The following OLFM3 variants were observed in gnomAD, a reference collection of about 807,000 sequenced individuals.
OLFM3 encodes noelin-3.
In OLFM3, 20 loss-of-function variants were observed where a neutral mutation model predicts 48.6. The observed-to-expected ratio is 0.41, with a 90% confidence interval of 0.29 to 0.60. The LOEUF is 0.60. OLFM3 is among the 20% of genes least tolerant of loss of function. OLFM3 has a pLI of 0.28. For missense variants in OLFM3, 437 were observed against 544.3 expected (o/e 0.80, Z 1.96); for synonymous variants, 222 against 198.1 (o/e 1.12, Z -1.01).
chr1:101,837,871 G>A (rs746433271), intron 1 of OLFM3: 3 of 152,036 alleles, frequency 2.0e-5, no homozygotes, highest in Admixed American at 6.6e-5. Context: ...TATAAACCAT[G>A]AATTTATTCA....
intron 1 of OLFM3, among the ~76,000 whole-genome samples, chr1:101,950,720 A>G (rs999220731): frequency 6.6e-6 from 1 of 152,098 alleles, no homozygotes; most frequent in African/African-American, 2.4e-5. Flanking sequence ...CTGGGATTAC[A>G]GGCGTGAGCC....
At chr1:101,842,424 A>C (rs1655770466) in intron 1 of OLFM3, among the ~76,000 whole-genome samples, 1 of 151,964 alleles carries the variant, frequency 6.6e-6, no homozygotes, top group African/African-American at 2.4e-5. Flanking sequence ...CCAGCTACTC[A>C]GTGGGGTGAG....
chr1:101,828,848 A>G (rs984064909), intron 3 of OLFM3, among the ~76,000 whole-genome samples: 1 of 151,902 alleles, frequency 6.6e-6, no homozygotes, highest in African/African-American at 2.4e-5. Context: ...TGACCTCAGC[A>G]TTGGGTTCCC....
intron 4 of OLFM3, among the ~76,000 whole-genome samples, chr1:101,820,119 A>G (rs923649947): frequency 3.9e-5 from 6 of 152,184 alleles, no homozygotes; most frequent in Admixed American, 2.6e-4. Context: ...TTAAAATATT[A>G]GCCCATAGAT....
intron 1 of OLFM3, among the ~76,000 whole-genome samples, chr1:101,873,835 C>T (rs947524637): frequency 6.6e-6 from 1 of 151,746 alleles, no homozygotes; most frequent in African/African-American, 2.4e-5. Flanking sequence ...TGATGCAATA[C>T]TTCCTCATCA....
At chr1:101,885,296 A>C (rs1657704653) in intron 1 of OLFM3, among the ~76,000 whole-genome samples, 1 of 152,068 alleles carries the variant, frequency 6.6e-6, no homozygotes, top group Admixed American at 6.6e-5. Context: ...GGAGCTTCCA[A>C]ACCAGTGCCA....
chr1:101,982,345 G>A (rs940896680), intron 1 of OLFM3, among the ~76,000 whole-genome samples: 4 of 152,012 alleles, frequency 2.6e-5, no homozygotes, highest in Non-Finnish European at 5.9e-5. Flanking sequence ...AGTAATTTTT[G>A]TTTAGATGAT....
chr1:101,978,006 A>G (rs961364429), intron 1 of OLFM3, among the ~76,000 whole-genome samples: 4 of 152,134 alleles, frequency 2.6e-5, no homozygotes, highest in African/African-American at 9.6e-5. Flanking sequence ...AGATTAGTAC[A>G]TTAGTTACAA....
At chr1:101,813,960 A>G (rs1654204007) in intron 4 of OLFM3, among the ~76,000 whole-genome samples, 1 of 152,208 alleles carries the variant, frequency 6.6e-6, no homozygotes, top group Admixed American at 6.6e-5. Flanking sequence ...TAAAAATATT[A>G]CACTCCAAAG....
At chr1:101,837,181 G>GGCAGTATA (rs1655465763) in intron 1 of OLFM3, among the ~76,000 whole-genome samples, 156 bp from the exon 2 acceptor site, 1 of 152,146 alleles carries the variant, frequency 6.6e-6, no homozygotes, top group Admixed American at 6.5e-5. Flanking sequence ...AATTTATATA[G>GGCAGTATA]GCAGTATAGC....
Position 101,804,303 on chromosome 1 carries a change from T to C in OLFM3, c.1312A>G (p.Asn438Asp). ...ARDRALYAWNNGHQVLFNVTL... is the reference protein window; with the variant it reads ...ARDRALYAWNDGHQVLFNVTL... ...ACATTGAACAGCACCTGGTGGCCAT[T>C]GTTCCAGGCATAGAGAGCTCGATCT... is the stretch of plus-strand genomic sequence containing the variant. The change falls in exon 6 of 6, where the codon AAT (asparagine) becomes GAT (aspartate). Residue 438 changes from asparagine (N) to aspartate (D), a missense_variant. This residue lies in a region of OLFM3 where 108 missense variants were observed against 135.8 expected (regional missense o/e 0.80). Transcript: ENST00000370103. This position sits in a 1 kb window ranked among gnomAD's most constrained non-coding sequence, Gnocchi z 4.5. The C allele has an allele frequency of 6.2e-7, 1 of 1,611,780 alleles. No homozygotes were observed. Among genetic ancestry groups the C allele is most frequent in the South Asian group, 1.1e-5 (1 of 90,982 alleles).
chr1:101,933,554 A>G (rs984408347), intron 1 of OLFM3, among the ~76,000 whole-genome samples: 4 of 152,210 alleles, frequency 2.6e-5, no homozygotes, highest in African/African-American at 9.6e-5. Flanking sequence ...AATATTGTCC[A>G]TGAAAATGTC....
At chr1:101,898,332 A>G (rs1397654251) in intron 1 of OLFM3, among the ~76,000 whole-genome samples, 1 of 152,200 alleles carries the variant, frequency 6.6e-6, no homozygotes, top group Non-Finnish European at 1.5e-5. Context: ...CCAACATCAT[A>G]TAACTAGTAA....
chr1:101,856,454 G>A (rs1656412338), intron 1 of OLFM3, among the ~76,000 whole-genome samples: 1 of 151,856 alleles, frequency 6.6e-6, no homozygotes, highest in Admixed American at 6.6e-5. Flanking sequence ...TAACTCAATT[G>A]AAAAACAACT....
At chr1:101,847,981 G>A (rs1656078875) in intron 1 of OLFM3, among the ~76,000 whole-genome samples, 1 of 152,068 alleles carries the variant, frequency 6.6e-6, no homozygotes, top group Non-Finnish European at 1.5e-5. Flanking sequence ...TGGAAAATAT[G>A]CTCTCCAAGG....
At chr1:101,831,724 G>C (rs544004985) in intron 2 of OLFM3, among the ~76,000 whole-genome samples, 1 of 152,258 alleles carries the variant, frequency 6.6e-6, no homozygotes, top group African/African-American at 2.4e-5. Context: ...TGTCAGAAAT[G>C]CAAAATCTCA....
intron 1 of OLFM3, among the ~76,000 whole-genome samples, chr1:101,888,449 G>A (rs968015995): frequency 4.6e-5 from 7 of 152,272 alleles, no homozygotes; most frequent in South Asian, 2.1e-4. Flanking sequence ...CTAGGCATAT[G>A]TAGAAAGCTG....
At chr1:101,936,804 C>G (rs973210551) in intron 1 of OLFM3, among the ~76,000 whole-genome samples, 1 of 152,006 alleles carries the variant, frequency 6.6e-6, no homozygotes, top group Non-Finnish European at 1.5e-5. Context: ...AATAAAGCTG[C>G]GCACCTACAA....
chr1:101,859,910 CCCCTG>C (rs1040397554), intron 1 of OLFM3: 2 of 151,896 alleles, frequency 1.3e-5, no homozygotes, highest in Non-Finnish European at 2.9e-5. Flanking sequence ...GTTAGTGTGG[CCCCTG>C]CCCAAGAAAT....
Sources: gnomAD v4.1 joint callset for allele counts (sites outside exome capture counted in the v4.1 genomes callset) on GRCh38, gnomAD v4.1.1 for gene constraint, gnomAD v4.1.1 regional missense constraint, Gnocchi (gnomAD v3.1) non-coding constraint, MANE v1.5 for transcripts, NCBI Gene and HGNC (gene_info 2026-07-23, HGNC 2026-07-21) for gene names.